ABCA5: variants seen among roughly 807,000 people sequenced by gnomAD.
ABCA5 encodes ATP binding cassette subfamily A member 5.
ABCA5 carries 163 observed loss-of-function variants against 206.0 expected under a neutral mutation model. That is an observed-to-expected ratio of 0.79 (90% confidence interval 0.70 to 0.90). The LOEUF (loss-of-function observed/expected upper bound fraction) is 0.90, where lower values mean the gene tolerates loss of function less well. ABCA5 is among the 40% of genes least tolerant of loss of function. ABCA5 has a pLI of 0.00. For synonymous variants in ABCA5, 609 were observed against 613.8 expected (o/e 0.99, Z 0.11); for missense variants, 1,859 against 1,912.9 (o/e 0.97, Z 0.53).
intron 35 of ABCA5, 76 bp from the exon 36 acceptor site, chr17:69,250,697 C>T: frequency 2.7e-6 from 3 of 1,098,550 alleles, no homozygotes; most frequent in Non-Finnish European, 3.8e-6. Flanking sequence ...CATATAACTA[C>T]ATTTTAAAAA....
At chr17:69,324,443 G>A (rs10512526) in intron 1 of ABCA5, among the ~76,000 whole-genome samples, 57,740 of 152,040 alleles carry the variant, frequency 0.38, 11,938 homozygotes, top group South Asian at 0.5. Context: ...TAGATAACAC[G>A]GTAAAGGCAG....
intron 10 of ABCA5, 141 bp downstream of exon 10, chr17:69,297,050 A>T: frequency 1.3e-6 from 1 of 780,466 alleles, no homozygotes. Context: ...GAAAAAGAGA[A>T]AAGTAGCCCT....
chr17:69,255,693 T>C lies in ABCA5; in HGVS notation c.3976+40A>G, dbSNP rs566890456. 74 of 1,575,662 alleles carry C rather than the reference T, an allele frequency of 4.7e-5. No individual in the cohort carries two copies. The South Asian group carries it at 8.5e-4, about 18-fold the overall frequency. ...AAATCATACTAAAAGTAGAAATTAC[T>C]CTTCTAGAAAAGTTATGTAAGGAAA... On this transcript the variant is annotated intron_variant, in intron 30 of 38. Transcript: ENST00000392676.
intron 1 of ABCA5, among the ~76,000 whole-genome samples, chr17:69,319,287 A>G (rs2075844090): frequency 6.6e-6 from 1 of 152,236 alleles, no homozygotes; most frequent in Non-Finnish European, 1.5e-5. Context: ...GAATGCTACT[A>G]AATTATTAAT....
chr17:69,293,256 G>A (rs2075548005), intron 11 of ABCA5, among the ~76,000 whole-genome samples: 1 of 152,068 alleles, frequency 6.6e-6, no homozygotes. Context: ...AGAAGATTGT[G>A]GGGTCTAGTA....
rs1336617551 is a variant in ABCA5 at position 69,273,985 on chromosome 17, GT to G, written c.2737del (p.Thr913GlnfsTer25). 3.7e-6 allele frequency: 6 copies of G among 1,606,354 alleles called. No individual in the cohort carries two copies. The highest frequency in any genetic ancestry group is 5.1e-6 in the Non-Finnish European group (6 of 1,177,986). Reference protein sequence around the residue: ...KPGDKPHKYKTSLLLQNSADS... With the variant: ...KPGDKPHKYKXSLLLQNSADS... ...AGCAGAATTTTGAAGAAGCAGACTT[GT>G]TTTGTATTTATGTGGTTTGTCTCCA... On this transcript the variant is annotated frameshift_variant, in exon 20 of 39. Transcript: ENST00000392676. LOFTEE classifies it high-confidence loss of function.
rs2074957362 is a variant in ABCA5 at position 69,246,842 on chromosome 17, CCTTT to C, written c.*691_*694del. ...TACGTAAGATTCTACACACAGTCTT[CCTTT>C]AATTATAATAACTAAAACCTTCTGA... On this transcript the variant is annotated 3_prime_UTR_variant, in exon 39 of 39. Coordinates refer to ENST00000392676, the MANE Select transcript of ABCA5 (RefSeq NM_172232.4). The C allele has an allele frequency of 6.6e-6, 1 of 151,886 alleles. No homozygotes were observed. The highest frequency in any genetic ancestry group is 6.6e-5 in the Admixed American group (1 of 15,248). The allele number at this position is 151,886 out of a possible 1,614,324, so 9.4% of individuals were successfully genotyped here.
chr17:69,268,750 A>C (rs2075239095), intron 22 of ABCA5: 1 of 152,206 alleles, frequency 6.6e-6, no homozygotes, highest in South Asian at 2.1e-4. Flanking sequence ...TCTGCACTGG[A>C]ATAGAATCCG....
At chr17:69,314,453 A>G in intron 1 of ABCA5, 23 bp from the exon 2 acceptor site, 3 of 1,466,464 alleles carry the variant, frequency 2.0e-6, no homozygotes, top group Non-Finnish European at 2.8e-6. Flanking sequence ...AAAAACAAAC[A>G]AACAAACCCG....
At chr17:69,273,106 A>AT (rs1384496925) in intron 20 of ABCA5, among the ~76,000 whole-genome samples, 1 of 152,258 alleles carries the variant, frequency 6.6e-6, no homozygotes, top group Non-Finnish European at 1.5e-5. Flanking sequence ...GTATGTTTAA[A>AT]TTTTTTTCAT....
chr17:69,274,605 TAAG>T (rs2075310220), intron 19 of ABCA5, among the ~76,000 whole-genome samples: 1 of 146,558 alleles, frequency 6.8e-6, no homozygotes, highest in East Asian at 2.0e-4. Flanking sequence ...AAAAAAAAAA[TAAG>T]AAATCGTATT....
Position 69,303,096 on chromosome 17 carries a change from C to T in ABCA5, c.931-190G>A, listed in dbSNP as rs534150154. On this transcript the variant is annotated intron_variant, in intron 7 of 38. Coordinates refer to ENST00000392676, the MANE Select transcript of ABCA5 (RefSeq NM_172232.4). Reference sequence around the variant, plus strand: ...GTGATATACCTTTTAAAAATTTAAACTAACAAATATTTTTGTGTTTTTGTT... The same window carrying T: ...GTGATATACCTTTTAAAAATTTAAATTAACAAATATTTTTGTGTTTTTGTT... 4.6e-5 allele frequency among the ~76,000 whole-genome samples: 7 copies of T among 152,136 alleles called. No homozygotes were observed. In the East Asian group the frequency reaches 1.4e-3, roughly 29 times the overall value.
At chr17:69,250,708 A>C in intron 35 of ABCA5, 87 bp from the exon 36 acceptor site, 1 of 959,516 alleles carries the variant, frequency 1.0e-6, no homozygotes, top group Non-Finnish European at 1.5e-6. Context: ...ATTTTAAAAA[A>C]ATATACCTTT....
chr17:69,305,845 T>C (rs537734552), intron 6 of ABCA5, among the ~76,000 whole-genome samples: 14 of 152,256 alleles, frequency 9.2e-5, no homozygotes, highest in African/African-American at 3.4e-4. Flanking sequence ...TACTCCAGCC[T>C]AGGTGACAGA....
Position 69,273,970 on chromosome 17 carries a change from T to A in ABCA5, c.2753A>T (p.Gln918Leu). ...PHKYKTSLLL[Q>L]NSADSDISDL... ...TCACACACTCTCACCAGCAGAATTT[T>A]GAAGAAGCAGACTTGTTTTGTATTT... Residue 918 changes from glutamine (Q) to leucine (L), a missense_variant, in exon 20 of 39, where the codon CAA becomes CTA. Transcript: ENST00000392676. 6.2e-7 allele frequency: 1 copy of A among 1,602,376 alleles called. No individual in the cohort carries two copies. Among genetic ancestry groups the A allele is most frequent in the Non-Finnish European group, 8.5e-7 (1 of 1,176,792 alleles).
chr17:69,325,141 CA>C (rs11320196), intron 1 of ABCA5, among the ~76,000 whole-genome samples: 79,562 of 117,796 alleles, frequency 0.68, 26,320 homozygotes, highest in Non-Finnish European at 0.74. Flanking sequence ...CTGTCTCTAC[CA>C]AAAAAAAAAA....
At chr17:69,318,727 G>A in intron 1 of ABCA5, 2 of 611,870 alleles carry the variant, frequency 3.3e-6, no homozygotes, top group East Asian at 3.2e-5. Flanking sequence ...CTGTGGAGTA[G>A]ACACCATGAG....
intron 11 of ABCA5, among the ~76,000 whole-genome samples, chr17:69,291,817 C>G (rs1481408092): frequency 1.3e-5 from 2 of 151,978 alleles, no homozygotes; most frequent in Non-Finnish European, 2.9e-5. Context: ...AATGGCTTAT[C>G]AAAAAACTAG....
chr17:69,264,706 T>C (rs1159559332), intron 24 of ABCA5, 29 bp downstream of exon 24: 9 of 1,390,646 alleles, frequency 6.5e-6, no homozygotes, highest in Non-Finnish European at 7.6e-6. Context: ...TATCTATAAA[T>C]AGCATGAGTA....
Sources: allele counts gnomAD v4.1 joint callset (sites outside exome capture counted in the v4.1 genomes callset), GRCh38; gene constraint gnomAD v4.1.1; transcripts MANE v1.5; gene names NCBI Gene and HGNC (gene_info 2026-07-23, HGNC 2026-07-21).